Variants in FKBP5 observed in about 807,000 individuals in gnomAD.
FKBP5 encodes the protein peptidyl-prolyl cis-trans isomerase FKBP5.
Under a neutral mutation model 50.5 loss-of-function variants are expected in FKBP5, and 23 were observed. The observed-to-expected ratio is 0.46, with a 90% CI of 0.33 to 0.65. FKBP5 has a LOEUF of 0.65. FKBP5 is among the 30% of genes least tolerant of loss of function. The pLI is 0.02. For synonymous variants in FKBP5, 176 were observed against 190.6 expected (o/e 0.92, Z 0.63); for missense variants, 411 against 553.1 (o/e 0.74, Z 2.58).
chr6:35,684,570 A>G (rs1379787296), intron 1 of FKBP5, among the ~76,000 whole-genome samples: 1 of 152,188 alleles, frequency 6.6e-6, no homozygotes, highest in Non-Finnish European at 1.5e-5. Context: ...CACAATTTTC[A>G]ATATCTTTTG....
chr6:35,690,652 G>A (rs185669307), upstream of FKBP5, among the ~76,000 whole-genome samples: 192 of 152,260 alleles, frequency 1.3e-3, 1 homozygote, highest in Middle Eastern at 6.8e-3. Flanking sequence ...GAAAAACAAA[G>A]TTGATCAAAA....
At chr6:35,701,627 C>A (rs1766191991) in intron 2 of FKBP5, among the ~76,000 whole-genome samples, 2 of 152,092 alleles carry the variant, frequency 1.3e-5, no homozygotes, top group Non-Finnish European at 2.9e-5. Context: ...GCAGCCTCAA[C>A]CTCCCTTGCT....
chr6:35,637,457 C>CTTTTTTTTTT, intron 2 of FKBP5, among the ~76,000 whole-genome samples: 1 of 73,270 alleles, frequency 1.4e-5, no homozygotes, highest in Non-Finnish European at 2.5e-5. Flanking sequence ...ACAGTAAACT[C>CTTTTTTTTTT]TTTTTTTTTT....
At position 35,660,318 on chromosome 6, in the gene FKBP5, G is replaced by C. The variant is rs1416139343; in HGVS notation, c.-19-17475C>G. Among the ~76,000 whole-genome samples, 9 of 66,930 alleles carry C rather than the reference G, an allele frequency of 1.3e-4. 2 individuals are homozygous for C. Among genetic ancestry groups the C allele is most frequent in the Admixed American group, 3.3e-4 (2 of 6,110 alleles). The allele number at this position is 66,930 out of a possible 152,430, so 43.9% of individuals were successfully genotyped here. A position where few individuals can be genotyped will look rare whatever the true frequency, so the allele number is the denominator to read the frequency against. The stretch of plus-strand genomic sequence containing the variant: ...AGTTTTGCTCTTGTTGCCCAGGCTG[G>C]AGTGCAATGACGCAATCTCAGCTCA... On this transcript the variant is annotated intron_variant, in intron 1 of 10. Coordinates refer to ENST00000357266, the MANE Select transcript of FKBP5 (RefSeq NM_004117.4).
At chr6:35,583,581 G>GC (rs1441745076) in intron 8 of FKBP5, 2 of 981,276 alleles carry the variant, frequency 2.0e-6, no homozygotes, top group East Asian at 1.1e-4. Flanking sequence ...GGGTGATTTT[G>GC]CCCCCCAGGG....
At chr6:35,709,959 T>C (rs1031190767) in intron 2 of FKBP5, among the ~76,000 whole-genome samples, 17 of 151,956 alleles carry the variant, frequency 1.1e-4, no homozygotes, top group African/African-American at 3.9e-4. Flanking sequence ...TAAAAAGTCT[T>C]GAGAATTCCA....
chr6:35,610,084 G>C (rs1467552301), intron 5 of FKBP5, among the ~76,000 whole-genome samples: 1 of 152,116 alleles, frequency 6.6e-6, no homozygotes, highest in Non-Finnish European at 1.5e-5. Flanking sequence ...TTCCATGGCA[G>C]GCCTTTCTGC....
chr6:35,632,661 G>A (rs9368880), intron 3 of FKBP5, among the ~76,000 whole-genome samples: 3 of 151,582 alleles, frequency 2.0e-5, no homozygotes, highest in East Asian at 1.9e-4. Context: ...AGGCCAAAAC[G>A]GGTGGATCAC....
chr6:35,653,124 G>C (rs1288229904), intron 1 of FKBP5, among the ~76,000 whole-genome samples: 1 of 152,186 alleles, frequency 6.6e-6, no homozygotes, highest in East Asian at 1.9e-4. Context: ...ACCGAGGCGG[G>C]AGTATTGCTT....
chr6:35,586,592 C>T (rs1762606658), intron 8 of FKBP5: 3 of 988,154 alleles, frequency 3.0e-6, no homozygotes, highest in Admixed American at 5.6e-5. Context: ...GAAAGGGAGA[C>T]CCTGTCTCTC....
intron 2 of FKBP5, among the ~76,000 whole-genome samples, chr6:35,713,801 T>C (rs921636837): frequency 6.6e-6 from 1 of 152,124 alleles, no homozygotes; most frequent in Non-Finnish European, 1.5e-5. Flanking sequence ...CACCCTCACA[T>C]CCTCTCTCCC....
chr6:35,678,809 C>A (rs754401933), intron 1 of FKBP5, among the ~76,000 whole-genome samples: 4 of 152,216 alleles, frequency 2.6e-5, no homozygotes, highest in Non-Finnish European at 4.4e-5. Context: ...TGGCTGGACA[C>A]AGTGGCTCAT....
chr6:35,582,160 TAGGAG>T (rs112124918), intron 8 of FKBP5: 32,937 of 985,238 alleles, frequency 0.033, 1,385 homozygotes, highest in African/African-American at 0.2. Context: ...GTCACTCACT[TAGGAG>T]AGGGAAGACT....
chr6:35,682,130 AAC>A (rs749133875), intron 1 of FKBP5, among the ~76,000 whole-genome samples: 1 of 128,464 alleles, frequency 7.8e-6, no homozygotes, highest in East Asian at 2.1e-4. Context: ...AGAATTTCAA[AAC>A]AGTGTTACCA....
intron 5 of FKBP5, among the ~76,000 whole-genome samples, chr6:35,601,089 T>C (rs952664336): frequency 1.3e-5 from 2 of 152,244 alleles, no homozygotes; most frequent in African/African-American, 4.8e-5. Context: ...GATGCTGTAA[T>C]AGGACAGTAA....
chr6:35,579,930 G>A (rs1762369448), intron 9 of FKBP5, 106 bp downstream of exon 9: 9 of 847,336 alleles, frequency 1.1e-5, no homozygotes, highest in Middle Eastern at 3.5e-4. Context: ...ATAAAAAAAA[G>A]CAAAATGAAA....
At chr6:35,698,219 G>A (rs1482552061) in intron 2 of FKBP5, among the ~76,000 whole-genome samples, 5 of 152,162 alleles carry the variant, frequency 3.3e-5, no homozygotes, top group African/African-American at 1.2e-4. Flanking sequence ...CCGCATGCCT[G>A]TAATCCCAGC....
intron 2 of FKBP5, among the ~76,000 whole-genome samples, chr6:35,704,692 A>G (rs892372069): frequency 1.4e-5 from 2 of 140,116 alleles, no homozygotes; most frequent in Admixed American, 7.5e-5. Flanking sequence ...ACTGTTTGCA[A>G]TCCCAATGAC....
At chr6:35,710,342 G>A (rs1365837566) in intron 2 of FKBP5, among the ~76,000 whole-genome samples, 6 of 152,182 alleles carry the variant, frequency 3.9e-5, no homozygotes, top group African/African-American at 4.8e-5. Context: ...ACTGGGCATG[G>A]TGGTGTGCCT....
Sources: gnomAD v4.1 joint callset for allele counts (sites outside exome capture counted in the v4.1 genomes callset) on GRCh38, gnomAD v4.1.1 for gene constraint, MANE v1.5 for transcripts, NCBI Gene and HGNC (gene_info 2026-07-23, HGNC 2026-07-21) for gene names.